The following UGT1A6 variants were observed in gnomAD, a reference collection of about 807,000 sequenced individuals.
UGT1A6 encodes UDP-glucuronosyltransferase 1A6.
In UGT1A6, 32 loss-of-function variants were observed where a neutral mutation model predicts 44.4. That is an observed-to-expected ratio of 0.72 (90% confidence interval 0.54 to 0.97). The LOEUF is 0.97. UGT1A6 is among the 50% of genes least tolerant of loss of function. The pLI is 0.00. For missense variants in UGT1A6, 685 were observed against 661.9 expected, an observed-to-expected ratio of 1.03 and a Z score of -0.38; for synonymous variants, 238 against 248.5, an observed-to-expected ratio of 0.96 and a Z score of 0.40.
intron 1 of UGT1A6, among the ~76,000 whole-genome samples, chr2:233,728,922 C>T (rs1370421534): frequency 6.9e-6 from 1 of 145,892 alleles, no homozygotes; most frequent in Non-Finnish European, 1.5e-5. Context: ...TCAAGATAGT[C>T]ATGATCGGTC....
chr2:233,749,918 CA>C (rs1168394820), intron 1 of UGT1A6, among the ~76,000 whole-genome samples: 1 of 151,918 alleles, frequency 6.6e-6, no homozygotes. Flanking sequence ...AACTGTGAGT[CA>C]ATTAAAGCTC....
At chr2:233,742,507 G>A (rs1692002701) in intron 1 of UGT1A6, among the ~76,000 whole-genome samples, 1 of 151,888 alleles carries the variant, frequency 6.6e-6, no homozygotes, top group Non-Finnish European at 1.5e-5. Flanking sequence ...TGGCTATCAT[G>A]AACACGTCAC....
At chr2:233,723,204 CA>C (rs978945300) in intron 1 of UGT1A6, among the ~76,000 whole-genome samples, 1 of 125,334 alleles carries the variant, frequency 8.0e-6, no homozygotes, top group African/African-American at 3.4e-5. Context: ...TAAAAAAAGT[CA>C]AAACTGACTT....
At chr2:233,739,018 C>T (rs1339173846) in intron 1 of UGT1A6, 1 of 152,272 alleles carries the variant, frequency 6.6e-6, no homozygotes, top group Non-Finnish European at 1.5e-5. Flanking sequence ...TGGCTCCAGC[C>T]ATGGCTAAAA....
chr2:233,747,864 C>G, intron 1 of UGT1A6: 2 of 1,613,576 alleles, frequency 1.2e-6, no homozygotes, highest in South Asian at 2.2e-5. Context: ...GCTCTACCCT[C>G]TGGCCCTGTC....
At chr2:233,739,351 C>A (rs1394476158) in intron 1 of UGT1A6, among the ~76,000 whole-genome samples, 1 of 152,186 alleles carries the variant, frequency 6.6e-6, no homozygotes, top group Admixed American at 6.5e-5. Context: ...CCCAGAAGGG[C>A]AGATCCAATA....
chr2:233,728,804 G>A (rs2077751761), intron 1 of UGT1A6, among the ~76,000 whole-genome samples: 1 of 152,198 alleles, frequency 6.6e-6, no homozygotes, highest in African/African-American at 2.4e-5. Context: ...AGAAGTAGGA[G>A]ACAGTGACAT....
chr2:233,699,567 C>G (rs946765606), intron 1 of UGT1A6, among the ~76,000 whole-genome samples: 1 of 152,218 alleles, frequency 6.6e-6, no homozygotes, highest in African/African-American at 2.4e-5. Context: ...GGCCAGAGCT[C>G]TGGCTCTAGG....
intron 1 of UGT1A6, among the ~76,000 whole-genome samples, chr2:233,731,881 A>AC (rs1345442477): frequency 6.6e-6 from 1 of 152,198 alleles, no homozygotes; most frequent in Non-Finnish European, 1.5e-5. Flanking sequence ...CAATGGTTGA[A>AC]CTAATTTACA....
At chr2:233,759,776 G>A (rs1697250630) in intron 1 of UGT1A6, among the ~76,000 whole-genome samples, 1 of 152,160 alleles carries the variant, frequency 6.6e-6, no homozygotes, top group African/African-American at 2.4e-5. Context: ...ATTGTTGGAC[G>A]AAGGAATGAA....
intron 1 of UGT1A6, chr2:233,730,112 T>C (rs933459456): frequency 6.4e-7 from 1 of 1,565,128 alleles, no homozygotes; most frequent in Admixed American, 1.8e-5. Context: ...TTTCTGCTTC[T>C]CCTTGTCATA....
At chr2:233,733,369 T>G (rs13410335) in intron 1 of UGT1A6, among the ~76,000 whole-genome samples, 57,553 of 151,946 alleles carry the variant, frequency 0.38, 11,204 homozygotes, top group African/African-American at 0.46. Flanking sequence ...GTGAGAGAGG[T>G]CATCCTTGTT....
At chr2:233,714,359 G>C (rs754648080) in intron 1 of UGT1A6, among the ~76,000 whole-genome samples, 1 of 152,198 alleles carries the variant, frequency 6.6e-6, no homozygotes, top group Non-Finnish European at 1.5e-5. Context: ...AGGTTTCAAA[G>C]AAGTTGACTC....
At chr2:233,748,709 G>T (rs1302757653) in intron 1 of UGT1A6, among the ~76,000 whole-genome samples, 2 of 151,634 alleles carry the variant, frequency 1.3e-5, no homozygotes, top group East Asian at 3.9e-4. Flanking sequence ...AGGATTTGGG[G>T]TCTGGTGCAT....
At chr2:233,719,218 A>C (rs1197156994) in intron 1 of UGT1A6, 2 of 1,614,132 alleles carry the variant, frequency 1.2e-6, no homozygotes, top group Non-Finnish European at 1.7e-6. Context: ...GAGCTACTGC[A>C]TAATGAGGCC....
chr2:233,772,994 C>G lies in UGT1A6; in HGVS notation c.*435C>G, dbSNP rs1700561362. The G allele has an allele frequency of 1.2e-5, 3 of 254,612 alleles. No homozygotes were observed. Among genetic ancestry groups the G allele is most frequent in the Admixed American group, 5.0e-5 (1 of 19,886 alleles). The allele number at this position is 254,612 out of a possible 1,614,324, so 15.8% of individuals were successfully genotyped here. On this transcript the variant is annotated 3_prime_UTR_variant, in exon 5 of 5. Transcript: ENST00000305139. Reference sequence around the variant, plus strand: ...AACCAATAATGGTCAGTCCTCATCTCTGTCGTGCTTCATAGGTGCCACCTT... The same window carrying G: ...AACCAATAATGGTCAGTCCTCATCTGTGTCGTGCTTCATAGGTGCCACCTT...
At position 233,692,903 on chromosome 2, in the gene UGT1A6, A is replaced by G; in HGVS notation, c.-102A>G. On this transcript the variant is annotated 5_prime_UTR_variant, in exon 1 of 5. Transcript: ENST00000305139. ...TCAGAGCAAGGGAGAGGTAGACAGG[A>G]CCTGTGAAAAGCAGTGGTTAGTTTA... The G allele has an allele frequency of 6.5e-7, 1 of 1,546,668 alleles. No homozygotes were observed.
chr2:233,727,875 C>T (rs1348465171), intron 1 of UGT1A6, among the ~76,000 whole-genome samples: 1 of 152,196 alleles, frequency 6.6e-6, no homozygotes, highest in Non-Finnish European at 1.5e-5. Flanking sequence ...CTCAGCCTCA[C>T]CAGCAATGGC....
chr2:233,718,906 G>C (rs1018341076), intron 1 of UGT1A6: 4 of 1,613,954 alleles, frequency 2.5e-6, no homozygotes, highest in Admixed American at 1.7e-5. Context: ...GCTGAGAGTG[G>C]AAAGGTGTTG....
Sources: allele counts gnomAD v4.1 joint callset (sites outside exome capture counted in the v4.1 genomes callset), GRCh38; gene constraint gnomAD v4.1.1; transcripts MANE v1.5; gene names NCBI Gene and HGNC (gene_info 2026-07-23, HGNC 2026-07-21).